Variants in CDH4 observed in about 807,000 individuals in gnomAD.
CDH4 encodes the protein cadherin 4.
In CDH4, 33 loss-of-function variants were observed where a neutral mutation model predicts 86.0. The observed-to-expected ratio is 0.38, with a 90% CI of 0.29 to 0.51. CDH4 has a LOEUF of 0.51. CDH4 is among the 20% of genes least tolerant of loss of function. The pLI is 0.86. For missense variants in CDH4, 1,114 were observed against 1,307.4 expected (o/e 0.85, Z 2.28); for synonymous variants, 555 against 549.4 (o/e 1.01, Z -0.14).
intron 3 of CDH4, among the ~76,000 whole-genome samples, chr20:61,756,220 G>A (rs1649643046): frequency 6.6e-6 from 1 of 152,154 alleles, no homozygotes; most frequent in Non-Finnish European, 1.5e-5. Flanking sequence ...TCTGCATCCT[G>A]GGCCTGCACC....
At position 61,364,581 on chromosome 20, in the gene CDH4, C is replaced by T. The variant is rs545715047; in HGVS notation, c.169+109644C>T. Among the ~76,000 whole-genome samples, 32 of 152,316 alleles carry T rather than the reference C, an allele frequency of 2.1e-4. No homozygotes were observed. In the East Asian group the frequency reaches 6.0e-3, roughly 29 times the overall value. ...GACCTTGAGGTCCACCTAGCCAGGT[C>T]ACAGCTCACCCTCTCCTTGGCTCTC... On this transcript the variant is annotated intron_variant, in intron 2 of 15. Coordinates refer to ENST00000614565, the MANE Select transcript of CDH4 (RefSeq NM_001794.5).
At chr20:61,373,475 TGCTG>T (rs1311125956) in intron 2 of CDH4, among the ~76,000 whole-genome samples, 2 of 152,266 alleles carry the variant, frequency 1.3e-5, no homozygotes, top group African/African-American at 4.8e-5. Flanking sequence ...GAAGATAATG[TGCTG>T]GATGTTCTCC....
At chr20:61,701,613 G>T (rs566900267) in intron 2 of CDH4, among the ~76,000 whole-genome samples, 1 of 152,226 alleles carries the variant, frequency 6.6e-6, no homozygotes, top group Non-Finnish European at 1.5e-5. Context: ...CCAGCACAGC[G>T]GGTCTACGGA....
intron 2 of CDH4, among the ~76,000 whole-genome samples, chr20:61,686,801 A>G (rs1286291411): frequency 7.9e-5 from 12 of 152,138 alleles, no homozygotes. Flanking sequence ...GTGCATGTCC[A>G]CTTGCATGCA....
intron 2 of CDH4, among the ~76,000 whole-genome samples, chr20:61,555,519 A>G (rs2086170996): frequency 6.6e-6 from 1 of 152,144 alleles, no homozygotes; most frequent in South Asian, 2.1e-4. Context: ...TCCATTTGCC[A>G]TGACGATCAT....
At chr20:61,300,457 G>T (rs1025321746) in intron 2 of CDH4, among the ~76,000 whole-genome samples, 1 of 152,160 alleles carries the variant, frequency 6.6e-6, no homozygotes, top group African/African-American at 2.4e-5. Flanking sequence ...CGGCCTCTGG[G>T]TGAAGAGGAC....
chr20:61,626,572 T>A (rs1438625625), intron 2 of CDH4, among the ~76,000 whole-genome samples: 1 of 152,194 alleles, frequency 6.6e-6, no homozygotes, highest in Non-Finnish European at 1.5e-5. Flanking sequence ...AGCTCCTCTG[T>A]GAGCTGGCTG....
chr20:61,933,521 G>A (rs1279181008), intron 14 of CDH4, among the ~76,000 whole-genome samples: 1 of 152,216 alleles, frequency 6.6e-6, no homozygotes, highest in African/African-American at 2.4e-5. Flanking sequence ...GAGAGCTGGT[G>A]GTTGGAATCT....
At chr20:61,428,266 G>A (rs1341332841) in intron 2 of CDH4, among the ~76,000 whole-genome samples, 4 of 152,168 alleles carry the variant, frequency 2.6e-5, no homozygotes, top group African/African-American at 9.7e-5. Context: ...AGGTGGTGTG[G>A]GAACTAGTCT....
chr20:61,837,315 CA>C (rs1181622680), intron 4 of CDH4, among the ~76,000 whole-genome samples: 3 of 152,222 alleles, frequency 2.0e-5, no homozygotes, highest in African/African-American at 7.2e-5. Flanking sequence ...GCTGAGAAGA[CA>C]CTCAGACCCT....
rs998844260 is a variant in CDH4, at chr20:61,544,054, C to T, written c.170-199509C>T. ...CTGCCCCACACCCCCGGCCCCACAC[C>T]TGGCTCTTGGCACTAAGGTCCTTGG... On this transcript the variant is annotated intron_variant, in intron 2 of 15. Coordinates refer to ENST00000614565, the MANE Select transcript of CDH4 (RefSeq NM_001794.5). The surrounding 1 kb of genome is among the most constrained non-coding windows in gnomAD (Gnocchi z 6.5). Among the ~76,000 whole-genome samples the T allele has an allele frequency of 2.0e-5, 3 of 152,202 alleles. No homozygotes were observed. Among genetic ancestry groups the T allele is most frequent in the African/African-American group, 7.2e-5 (3 of 41,458 alleles).
intron 7 of CDH4, among the ~76,000 whole-genome samples, chr20:61,877,793 G>A (rs1031891646): frequency 5.9e-5 from 9 of 152,330 alleles, no homozygotes; most frequent in African/African-American, 2.2e-4. Context: ...CCAGCATCGT[G>A]GGGGGACAGC....
At chr20:61,478,141 C>A (rs2085549594) in intron 2 of CDH4, among the ~76,000 whole-genome samples, 2 of 152,166 alleles carry the variant, frequency 1.3e-5, no homozygotes, top group Admixed American at 6.5e-5. Context: ...CCACCCCACA[C>A]AACAAAGACA....
chr20:61,389,439 T>G (rs1359169767), intron 2 of CDH4, among the ~76,000 whole-genome samples: 1 of 152,258 alleles, frequency 6.6e-6, no homozygotes, highest in Non-Finnish European at 1.5e-5. Context: ...TCCACTACAG[T>G]ATTTCTCATA....
rs918616914 is a variant in CDH4 at position 61,703,984 on chromosome 20, G to A, written c.170-39579G>A. ...GGATGAGGGTGGCAGAGTCACAGCC[G>A]CTGGGAGTGGCCGGGCAGGTGGCTG... is the stretch of plus-strand genomic sequence containing the variant. On this transcript the variant is annotated intron_variant, in intron 2 of 15. Transcript: ENST00000614565. The surrounding 1 kb of genome is among the most constrained non-coding windows in gnomAD (Gnocchi z 4.3). 2.6e-5 allele frequency among the ~76,000 whole-genome samples: 4 copies of A among 152,166 alleles called. No individual in the cohort carries two copies. In the South Asian group the frequency reaches 8.3e-4, roughly 32 times the overall value.
At chr20:61,787,869 C>T (rs994118763) in intron 4 of CDH4, among the ~76,000 whole-genome samples, 12 of 152,066 alleles carry the variant, frequency 7.9e-5, no homozygotes, top group Non-Finnish European at 1.3e-4. Flanking sequence ...GAGGAAGAGC[C>T]AGGATGTCAG....
intron 4 of CDH4, among the ~76,000 whole-genome samples, chr20:61,788,180 A>G (rs1978985663): frequency 6.6e-6 from 1 of 152,202 alleles, no homozygotes; most frequent in Non-Finnish European, 1.5e-5. Flanking sequence ...GGAAACCCCA[A>G]TCTTATCACA....
rs554069627 is a variant in CDH4, at chr20:61,613,174, C to A, written c.170-130389C>A. 1.1e-4 allele frequency among the ~76,000 whole-genome samples: 17 copies of A among 152,176 alleles called. No individual in the cohort carries two copies. The South Asian group carries it at 2.3e-3, about 20-fold the overall frequency. On this transcript the variant is annotated intron_variant, in intron 2 of 15. Transcript: ENST00000614565. The stretch of plus-strand genomic sequence containing the variant: ...AGGGGCTTTTCTTCTTCTCCTGCCC[C>A]CTCTTGGTTTCACACTCTCTGTCCC...
intron 2 of CDH4, among the ~76,000 whole-genome samples, chr20:61,586,371 T>G (rs1338907764): frequency 6.6e-6 from 1 of 152,168 alleles, no homozygotes; most frequent in African/African-American, 2.4e-5. Context: ...TCCAAGCTCT[T>G]TATGTGCATT....
Sources: allele counts gnomAD v4.1 joint callset (sites outside exome capture counted in the v4.1 genomes callset), GRCh38; gene constraint gnomAD v4.1.1; non-coding constraint Gnocchi (gnomAD v3.1); transcripts MANE v1.5; gene names NCBI Gene and HGNC (gene_info 2026-07-23, HGNC 2026-07-21).